IFNAR2: variants seen among roughly 807,000 people sequenced by gnomAD.
The protein encoded by IFNAR2 is interferon alpha and beta receptor subunit 2, also known as interferon alpha/beta receptor 2.
IFNAR2 carries 30 observed loss-of-function variants against 49.4 expected under a neutral mutation model. That is an observed-to-expected ratio of 0.61 (90% CI 0.45 to 0.82). The LOEUF is 0.82. Ranked by LOEUF, IFNAR2 falls within the 40% of genes least tolerant of loss-of-function variation. IFNAR2 has a pLI of 0.00. For missense variants in IFNAR2, 600 were observed against 622.7 expected (o/e 0.96, Z 0.39); for synonymous variants, 224 against 234.5 (o/e 0.96, Z 0.41).
intron 1 of IFNAR2, among the ~76,000 whole-genome samples, chr21:33,235,096 T>A (rs541778928): frequency 4.6e-5 from 7 of 152,322 alleles, no homozygotes; most frequent in African/African-American, 1.4e-4. Flanking sequence ...GGTGGGAGTT[T>A]CCTTTAGCAT....
intron 5 of IFNAR2, among the ~76,000 whole-genome samples, chr21:33,248,419 AAAAG>A (rs541078418): frequency 4.6e-5 from 7 of 152,066 alleles, no homozygotes; most frequent in South Asian, 4.2e-4. Flanking sequence ...AGAGAAAGAG[AAAAG>A]AAAGAAAGAA....
chr21:33,252,309 T>G, intron 6 of IFNAR2: 1 of 523,228 alleles, frequency 1.9e-6, no homozygotes, highest in South Asian at 1.9e-5. Flanking sequence ...TGAAGGCACT[T>G]TCTCAAGTGT....
chr21:33,262,690 C>G (rs563143872), intron 8 of IFNAR2, 103 bp from the exon 9 acceptor site: 10 of 1,477,422 alleles, frequency 6.8e-6, no homozygotes, highest in Admixed American at 6.7e-5. Context: ...GGATTACAAG[C>G]GTGCATCCCT....
intron 5 of IFNAR2, among the ~76,000 whole-genome samples, chr21:33,247,254 C>CTTTCTTTTTT (rs773079900): frequency 4.4e-5 from 4 of 91,574 alleles, no homozygotes; most frequent in African/African-American, 1.7e-4. Flanking sequence ...TTCTTTCTTT[C>CTTTCTTTTTT]TTTTTTTTTT....
intron 2 of IFNAR2, among the ~76,000 whole-genome samples, chr21:33,242,476 T>C (rs986514682): frequency 2.6e-5 from 4 of 152,018 alleles, no homozygotes; most frequent in Non-Finnish European, 4.4e-5. Context: ...CTCGCGCCTG[T>C]AATCCCTGCA....
intron 4 of IFNAR2, among the ~76,000 whole-genome samples, chr21:33,245,623 G>T (rs1321468985): frequency 6.6e-6 from 1 of 152,224 alleles, no homozygotes; most frequent in Non-Finnish European, 1.5e-5. Context: ...AGGGGTTGCT[G>T]CAAGGATTCG....
rs1601779546 is a variant in IFNAR2 at position 33,230,811 on chromosome 21, T to C, written c.-84+595T>C. Among the ~76,000 whole-genome samples, 1 of 151,938 alleles carries C rather than the reference T, an allele frequency of 6.6e-6. No homozygotes were observed. Among genetic ancestry groups the C allele is most frequent in the Non-Finnish European group, 1.5e-5 (1 of 67,958 alleles). ...GGACGTGGCCGCGGAGACAGAAGGG[T>C]GCACCCTCCCAGGGTCGGAGAGGGG... On this transcript the variant is annotated intron_variant, in intron 1 of 8. Transcript: ENST00000342136. This position sits in a 1 kb window ranked among gnomAD's most constrained non-coding sequence, Gnocchi z 5.5.
In IFNAR2 at chr21:33,243,730, T is replaced by C. The variant is rs757039562; in HGVS notation, c.97+16T>C. 7.5e-6 allele frequency: 12 copies of C among 1,601,632 alleles called. No homozygotes were observed. Among genetic ancestry groups the C allele is most frequent in the Middle Eastern group, 1.7e-4 (1 of 6,034 alleles). On this transcript the variant is annotated intron_variant, in intron 3 of 8. Transcript: ENST00000342136. ...GATTCGCCTGGTAAGAGATGTTTTT[T>C]GGCTTCACTAAATTTTGTATAAGAG... is the stretch of plus-strand genomic sequence containing the variant.
chr21:33,241,849 A>G lies in IFNAR2; in HGVS notation c.-74A>G, dbSNP rs1232140216. On this transcript the variant is annotated 5_prime_UTR_variant, in exon 2 of 9. Transcript: ENST00000342136. Reference sequence around the variant, plus strand: ...ATTTTTATATTTGCAGTTTAATTAGACACTTCAGAATTTTGATCACCTAAT... The same window carrying G: ...ATTTTTATATTTGCAGTTTAATTAGGCACTTCAGAATTTTGATCACCTAAT... The G allele has an allele frequency of 1.3e-6, 2 of 1,596,006 alleles. No individual in the cohort carries two copies. Among genetic ancestry groups the G allele is most frequent in the Middle Eastern group, 1.8e-4 (1 of 5,678 alleles).
chr21:33,236,667 G>T (rs773220353), intron 1 of IFNAR2: 12 of 985,212 alleles, frequency 1.2e-5, no homozygotes, highest in Non-Finnish European at 1.4e-5. Flanking sequence ...ATTGAAGCCA[G>T]ACAGGGCCTG....
chr21:33,249,750 A>C (rs183432928), intron 6 of IFNAR2, among the ~76,000 whole-genome samples: 342 of 152,302 alleles, frequency 2.2e-3, no homozygotes, highest in African/African-American at 7.8e-3. Context: ...TGCCAAGTAT[A>C]AAACCCTTGC....
intron 1 of IFNAR2, among the ~76,000 whole-genome samples, chr21:33,236,344 G>T (rs1986454227): frequency 6.6e-6 from 1 of 152,184 alleles, no homozygotes; most frequent in Admixed American, 6.5e-5. Context: ...CCTGGGGCAG[G>T]CTCTGTGGAA....
At chr21:33,238,845 A>G (rs772921493) in intron 1 of IFNAR2, among the ~76,000 whole-genome samples, 14 of 152,178 alleles carry the variant, frequency 9.2e-5, no homozygotes, top group Admixed American at 3.9e-4. Context: ...AAAGGCACGA[A>G]CAGTTAATGA....
rs548077679 is a variant in IFNAR2 at position 33,233,891 on chromosome 21, A to G, written c.-84+3675A>G. Reference sequence around the variant, plus strand: ...GATAGAATGCGATTGTTATTAATCTAGACAAAAATATACAGCCAAAAAAAA... The same window carrying G: ...GATAGAATGCGATTGTTATTAATCTGGACAAAAATATACAGCCAAAAAAAA... On this transcript the variant is annotated intron_variant, in intron 1 of 8. Coordinates refer to ENST00000342136, the MANE Select transcript of IFNAR2 (RefSeq NM_001289125.3). Among the ~76,000 whole-genome samples the G allele has an allele frequency of 2.6e-5, 4 of 152,098 alleles. No homozygotes were observed. In the South Asian group the frequency reaches 8.3e-4, roughly 32 times the overall value.
chr21:33,237,103 G>GTGTGTC (rs1986532632), intron 1 of IFNAR2, among the ~76,000 whole-genome samples: 1 of 151,942 alleles, frequency 6.6e-6, no homozygotes, highest in African/African-American at 2.4e-5. Context: ...GTGTGTGTGT[G>GTGTGTC]TGTGTGTTTT....
chr21:33,242,001 C>A, intron 2 of IFNAR2, 24 bp downstream of exon 2: 1 of 1,605,726 alleles, frequency 6.2e-7, no homozygotes, highest in Non-Finnish European at 8.5e-7. Flanking sequence ...TTTATCTTAG[C>A]TCTTATAGAA....
In IFNAR2 at chr21:33,263,390, A is replaced by G. The variant is rs754056269; in HGVS notation, c.1438A>G (p.Thr480Ala). 4.3e-6 allele frequency: 7 copies of G among 1,614,052 alleles called. No individual in the cohort carries two copies. The highest frequency in any genetic ancestry group is 2.2e-5 in the East Asian group (1 of 44,876). Residue 480 changes from threonine (T) to alanine (A), a missense_variant, in exon 9 of 9, where the codon ACC becomes GCC. Thr to Ala is a moderately conservative substitution (Grantham distance 58). Coordinates refer to ENST00000342136, the MANE Select transcript of IFNAR2 (RefSeq NM_001289125.3). ...GGCCAGCGGGGAAGGGACACAGCCA[A>G]CCTTTCCCAGCCCCTCTTCAGAGGG... ...LLASGEGTQP[T>A]FPSPSSEGLW... is the part of the protein sequence containing the mutation.
intron 1 of IFNAR2, among the ~76,000 whole-genome samples, chr21:33,237,103 G>GTGTGTGTGTA (rs1269480941): frequency 1.3e-5 from 2 of 151,942 alleles, no homozygotes; most frequent in African/African-American, 4.8e-5. Flanking sequence ...GTGTGTGTGT[G>GTGTGTGTGTA]TGTGTGTTTT....
rs780685026 is a variant in IFNAR2 at position 33,241,900 on chromosome 21, A to G, written c.-23A>G. ...GTTGATTTCAGATGTAAAAGTCAAG[A>G]GAAGACTCTAAAAATAGCAAAGATG... is the stretch of plus-strand genomic sequence containing the variant. On this transcript the variant is annotated 5_prime_UTR_variant, in exon 2 of 9. Coordinates refer to ENST00000342136, the MANE Select transcript of IFNAR2 (RefSeq NM_001289125.3). 1 of 1,610,164 alleles carries G rather than the reference A, an allele frequency of 6.2e-7. No individual in the cohort carries two copies. Among genetic ancestry groups the G allele is most frequent in the Non-Finnish European group, 8.5e-7 (1 of 1,176,888 alleles).
Sources: allele counts gnomAD v4.1 joint callset (sites outside exome capture counted in the v4.1 genomes callset), GRCh38; gene constraint gnomAD v4.1.1; non-coding constraint Gnocchi (gnomAD v3.1); transcripts MANE v1.5; gene names NCBI Gene and HGNC (gene_info 2026-07-23, HGNC 2026-07-21).